The following CYP7B1 variants were observed in gnomAD, a reference collection of about 807,000 sequenced individuals.
CYP7B1 encodes cytochrome P450 7B1.
A neutral mutation model predicts 42.7 loss-of-function variants in CYP7B1; 29 were observed. The observed-to-expected ratio is 0.68, with a 90% CI of 0.51 to 0.93. The LOEUF (loss-of-function observed/expected upper bound fraction) is 0.93, where lower values mean the gene tolerates loss of function less well. Among genes scored for constraint, CYP7B1 ranks in the 40% least tolerant of loss-of-function variants. CYP7B1 has a pLI of 0.00. For synonymous variants in CYP7B1, 235 were observed against 218.2 expected (o/e 1.08, Z -0.68); for missense variants, 655 against 600.5 (o/e 1.09, Z -0.95).
intron 1 of CYP7B1, among the ~76,000 whole-genome samples, chr8:64,740,362 C>T (rs896055907): frequency 1.3e-5 from 2 of 151,700 alleles, no homozygotes; most frequent in Admixed American, 1.3e-4. Context: ...TATATATTTA[C>T]ATATTATGTT....
At chr8:64,605,516 G>A (rs747697395) in intron 4 of CYP7B1, among the ~76,000 whole-genome samples, 21 of 152,148 alleles carry the variant, frequency 1.4e-4, no homozygotes, top group Non-Finnish European at 2.8e-4. Flanking sequence ...TCCTTTCCCA[G>A]TGGCCTTCAC....
rs774259036 is a variant in CYP7B1 at position 64,624,515 on chromosome 8, T to C, written c.147A>G (p.Ile49Met). ...CTCCAAGATAAGGAAGCCAACCTTT[T>C]ATCAATGGAGGCTCACCGGGTCTCC... ...RTRRPGEPPL[I>M]KGWLPYLGVV... is the part of the protein sequence containing the mutation. The change falls in exon 2 of 6, where the codon ATA (isoleucine) becomes ATG (methionine). Residue 49 changes from isoleucine (I) to methionine (M), a missense_variant. Ile to Met is a conservative substitution (Grantham distance 10). Coordinates refer to ENST00000310193, the MANE Select transcript of CYP7B1 (RefSeq NM_004820.5). The C allele has an allele frequency of 2.5e-5, 41 of 1,613,544 alleles. No homozygotes were observed. The highest frequency in any genetic ancestry group is 3.5e-5 in the Non-Finnish European group (41 of 1,179,870).
intron 1 of CYP7B1, among the ~76,000 whole-genome samples, chr8:64,696,741 T>C (rs139153439): frequency 6.6e-6 from 1 of 152,338 alleles, no homozygotes; most frequent in East Asian, 1.9e-4. Flanking sequence ...TTTTTTCTTA[T>C]ATTTCATCAA....
At chr8:64,691,482 T>TC (rs1554532278) in intron 1 of CYP7B1, among the ~76,000 whole-genome samples, 2 of 53,486 alleles carry the variant, frequency 3.7e-5, no homozygotes, top group Non-Finnish European at 7.6e-5. Flanking sequence ...CGATGGCAAC[T>TC]GGGGGGGGGG....
Position 64,674,380 on chromosome 8 carries a change from G to C in CYP7B1, c.123-49841C>G, listed in dbSNP as rs139527322. ...CAGAGACCACACTTTACTGTAGAGG[G>C]GGATTTCCTTGTCTGTCAATGCCAC... is the stretch of plus-strand genomic sequence containing the variant. On this transcript the variant is annotated intron_variant, in intron 1 of 5. Coordinates refer to ENST00000310193, the MANE Select transcript of CYP7B1 (RefSeq NM_004820.5). 6.4e-3 allele frequency among the ~76,000 whole-genome samples: 977 copies of C among 152,150 alleles called. 5 individuals carry two copies. The highest frequency in any genetic ancestry group is 0.011 in the Non-Finnish European group (768 of 67,988).
chr8:64,746,890 C>T (rs1283506365), intron 1 of CYP7B1, among the ~76,000 whole-genome samples: 1 of 151,842 alleles, frequency 6.6e-6, no homozygotes, highest in South Asian at 2.1e-4. Context: ...TCCCAATCTG[C>T]ATTTATAAAT....
chr8:64,725,064 T>C (rs1342254927), intron 1 of CYP7B1, among the ~76,000 whole-genome samples: 1 of 152,178 alleles, frequency 6.6e-6, no homozygotes, highest in Non-Finnish European at 1.5e-5. Context: ...TCTGAACAGA[T>C]GGGAGGCCTT....
chr8:64,643,170 T>C lies in CYP7B1; in HGVS notation c.123-18631A>G, dbSNP rs572403498. 6.6e-5 allele frequency among the ~76,000 whole-genome samples: 7 copies of C among 105,840 alleles called. No homozygotes were observed. The East Asian group carries it at 1.1e-3, about 17-fold the overall frequency. The allele number at this position is 105,840 out of a possible 152,430, so 69.4% of individuals were successfully genotyped here. A position where few individuals can be genotyped will look rare whatever the true frequency, so the allele number is the denominator to read the frequency against. On this transcript the variant is annotated intron_variant, in intron 1 of 5. Transcript: ENST00000310193. ...ACATATATACATATATACACATATATACATATATATACATATATATATACA... is the reference window on the plus strand; with the variant it reads ...ACATATATACATATATACACATATACACATATATATACATATATATATACA...
chr8:64,718,900 C>G (rs1175817553), intron 1 of CYP7B1, among the ~76,000 whole-genome samples: 1 of 152,170 alleles, frequency 6.6e-6, no homozygotes, highest in Non-Finnish European at 1.5e-5. Context: ...GGGTTACCCC[C>G]TCAAAGTCAT....
chr8:64,784,466 A>G (rs1261229871), intron 1 of CYP7B1, among the ~76,000 whole-genome samples: 1 of 152,162 alleles, frequency 6.6e-6, no homozygotes, highest in Non-Finnish European at 1.5e-5. Flanking sequence ...GCCTTTAGGT[A>G]ACAACTCAAC....
intron 1 of CYP7B1, among the ~76,000 whole-genome samples, chr8:64,750,114 C>T (rs769273162): frequency 3.9e-5 from 6 of 152,176 alleles, no homozygotes; most frequent in Non-Finnish European, 7.4e-5. Context: ...CTCTGTCTAA[C>T]TTTCTATGAT....
chr8:64,706,834 T>C (rs1283678756), intron 1 of CYP7B1, among the ~76,000 whole-genome samples: 1 of 151,992 alleles, frequency 6.6e-6, no homozygotes, highest in African/African-American at 2.4e-5. Flanking sequence ...TGACATTTTA[T>C]TGGCACATAC....
chr8:64,789,384 G>A (rs951378011), intron 1 of CYP7B1, among the ~76,000 whole-genome samples: 1 of 152,168 alleles, frequency 6.6e-6, no homozygotes, highest in African/African-American at 2.4e-5. Context: ...ATATTCCACT[G>A]TATAAGTAAA....
chr8:64,686,069 C>CT (rs1806633504), intron 1 of CYP7B1, among the ~76,000 whole-genome samples: 1 of 120,584 alleles, frequency 8.3e-6, no homozygotes, highest in Non-Finnish European at 1.8e-5. Context: ...TCAGCCCCCC[C>CT]ACCCGGCCAG....
intron 4 of CYP7B1, among the ~76,000 whole-genome samples, chr8:64,612,372 T>C (rs1391545427): frequency 6.6e-6 from 1 of 152,070 alleles, no homozygotes; most frequent in Non-Finnish European, 1.5e-5. Flanking sequence ...TAACTAATTA[T>C]TAATAGATAA....
At chr8:64,773,456 G>A (rs749639061) in intron 1 of CYP7B1, among the ~76,000 whole-genome samples, 2 of 152,096 alleles carry the variant, frequency 1.3e-5, no homozygotes, top group Non-Finnish European at 2.9e-5. Context: ...TAGGTCACAC[G>A]CCTACTCTTC....
At chr8:64,590,523 T>G (rs1805019993), downstream of CYP7B1, among the ~76,000 whole-genome samples, 2 of 152,370 alleles carry the variant, frequency 1.3e-5, no homozygotes, top group South Asian at 4.1e-4. Flanking sequence ...CTTATACTTC[T>G]GTCCACACTA....
intron 1 of CYP7B1, among the ~76,000 whole-genome samples, chr8:64,680,205 T>C (rs1375458379): frequency 6.6e-6 from 1 of 152,108 alleles, no homozygotes; most frequent in African/African-American, 2.4e-5. Flanking sequence ...CCTGTGACTT[T>C]CTCCTTTAAA....
intron 5 of CYP7B1, among the ~76,000 whole-genome samples, chr8:64,603,668 T>A (rs1805233955): frequency 6.6e-6 from 1 of 152,238 alleles, no homozygotes; most frequent in South Asian, 2.1e-4. Context: ...TTTGTTATTG[T>A]CATTCATACA....
Sources: allele counts gnomAD v4.1 joint callset (sites outside exome capture counted in the v4.1 genomes callset), GRCh38; gene constraint gnomAD v4.1.1; transcripts MANE v1.5; gene names NCBI Gene and HGNC (gene_info 2026-07-23, HGNC 2026-07-21).